The following GXYLT2 variants were observed in gnomAD, a reference collection of about 807,000 sequenced individuals.
GXYLT2 encodes glycosyltransferase 8 domain containing 4.
GXYLT2 carries 53 observed loss-of-function variants against 45.8 expected under a neutral mutation model. The observed-to-expected ratio is 1.16, with a 90% CI of 0.93 to 1.46. The LOEUF is 1.46. Among genes scored for constraint, GXYLT2 ranks in the 40% most tolerant of loss-of-function variants. The probability of loss-of-function intolerance (pLI) is 0.00; values close to 1 mark genes in which losing one functional copy is unlikely to be tolerated. For missense variants in GXYLT2, 551 were observed against 544.4 expected, an observed-to-expected ratio of 1.01 and a Z score of -0.12; for synonymous variants, 219 against 214.2, an observed-to-expected ratio of 1.02 and a Z score of -0.19.
chr3:72,943,199 AC>A (rs1303243325), intron 3 of GXYLT2, among the ~76,000 whole-genome samples: 14 of 152,206 alleles, frequency 9.2e-5, no homozygotes, highest in Non-Finnish European at 1.5e-4. Context: ...GAGGACAGGG[AC>A]CTCATATAAT....
At chr3:72,966,634 C>A (rs1310969437) in intron 5 of GXYLT2, among the ~76,000 whole-genome samples, 1 of 101,868 alleles carries the variant, frequency 9.8e-6, no homozygotes, top group Non-Finnish European at 2.5e-5. Flanking sequence ...TTGGTTTGTT[C>A]GTTTTTTTTT....
At chr3:72,923,316 G>T (rs1472428988) in intron 3 of GXYLT2, among the ~76,000 whole-genome samples, 1 of 152,146 alleles carries the variant, frequency 6.6e-6, no homozygotes, top group Non-Finnish European at 1.5e-5. Flanking sequence ...TTGGGAGGCT[G>T]AGGTGGGAGG....
At chr3:72,892,661 G>A (rs1324458402) in intron 1 of GXYLT2, among the ~76,000 whole-genome samples, 3 of 152,160 alleles carry the variant, frequency 2.0e-5, no homozygotes, top group Non-Finnish European at 4.4e-5. Context: ...TAGTGTCTGA[G>A]ATAAGTCTTC....
At chr3:72,954,313 G>A (rs1340947975) in intron 3 of GXYLT2, among the ~76,000 whole-genome samples, 1 of 151,106 alleles carries the variant, frequency 6.6e-6, no homozygotes, top group Admixed American at 6.6e-5. Flanking sequence ...TCAACATGTT[G>A]GCCAGGATGG....
intron 3 of GXYLT2, among the ~76,000 whole-genome samples, chr3:72,948,191 C>A (rs1710447678): frequency 6.6e-6 from 1 of 152,162 alleles, no homozygotes; most frequent in African/African-American, 2.4e-5. Flanking sequence ...GGATGTAAAG[C>A]TCCATGGAGC....
chr3:72,911,702 A>C (rs1218358151), intron 2 of GXYLT2, among the ~76,000 whole-genome samples: 1 of 152,170 alleles, frequency 6.6e-6, no homozygotes, highest in Admixed American at 6.5e-5. Context: ...GCCCTGAAAC[A>C]GAACAACCCA....
At chr3:72,951,858 G>A (rs1559746824) in intron 3 of GXYLT2, among the ~76,000 whole-genome samples, 1 of 151,520 alleles carries the variant, frequency 6.6e-6, no homozygotes, top group Non-Finnish European at 1.5e-5. Flanking sequence ...TTGTTTTTGA[G>A]ACAGAGTCTT....
chr3:72,938,441 T>G (rs1710231611), intron 3 of GXYLT2, among the ~76,000 whole-genome samples: 1 of 152,248 alleles, frequency 6.6e-6, no homozygotes, highest in Non-Finnish European at 1.5e-5. Flanking sequence ...AAAGCTTCTT[T>G]GAAAATCAGT....
intron 1 of GXYLT2, among the ~76,000 whole-genome samples, chr3:72,893,996 T>G (rs1179894605): frequency 6.6e-6 from 1 of 152,166 alleles, no homozygotes; most frequent in Non-Finnish European, 1.5e-5. Flanking sequence ...CAGCTATTGG[T>G]CCACAGGTAT....
At chr3:72,942,735 A>G (rs1023313671) in intron 3 of GXYLT2, among the ~76,000 whole-genome samples, 4 of 151,946 alleles carry the variant, frequency 2.6e-5, no homozygotes, top group Non-Finnish European at 4.4e-5. Context: ...CAGTGTTTTC[A>G]AAGCTGTCCA....
chr3:72,918,642 T>C (rs1709778418), intron 2 of GXYLT2, among the ~76,000 whole-genome samples: 1 of 151,952 alleles, frequency 6.6e-6, no homozygotes, highest in African/African-American at 2.4e-5. Flanking sequence ...CTGGGAAACA[T>C]GGCGAAACCC....
chr3:72,955,763 A>G (rs1710629531), intron 4 of GXYLT2, among the ~76,000 whole-genome samples: 1 of 152,194 alleles, frequency 6.6e-6, no homozygotes, highest in Admixed American at 6.5e-5. Flanking sequence ...AAAGAACATC[A>G]GTAGAGAACT....
chr3:72,950,366 C>T (rs756707875), intron 3 of GXYLT2, among the ~76,000 whole-genome samples: 1 of 152,070 alleles, frequency 6.6e-6, no homozygotes, highest in African/African-American at 2.4e-5. Flanking sequence ...GACGTTGAGG[C>T]AGGAGAATCG....
At chr3:72,916,436 C>A (rs1709745056) in intron 2 of GXYLT2, among the ~76,000 whole-genome samples, 1 of 151,466 alleles carries the variant, frequency 6.6e-6, no homozygotes, top group African/African-American at 2.4e-5. Flanking sequence ...GATCCTCCAA[C>A]CTTGACCTCT....
At chr3:72,901,095 C>G (rs1258633431) in intron 1 of GXYLT2, among the ~76,000 whole-genome samples, 1 of 152,006 alleles carries the variant, frequency 6.6e-6, no homozygotes, top group Non-Finnish European at 1.5e-5. Flanking sequence ...TCAAGACCAG[C>G]CTGATCAATA....
In GXYLT2 at chr3:72,963,496, C is replaced by T. The variant is rs551799939; in HGVS notation, c.977-4051C>T. The stretch of plus-strand genomic sequence containing the variant: ...CGAGGCAGGCAGATCACCTGAGGTC[C>T]GGAGTTTTTTGTTTTTTTTTTTTTG... On this transcript the variant is annotated intron_variant, in intron 5 of 6. Transcript: ENST00000389617. 1.4e-4 allele frequency among the ~76,000 whole-genome samples: 19 copies of T among 132,194 alleles called. No homozygotes were observed. The South Asian group carries it at 4.4e-3, about 31-fold the overall frequency. The allele number at this position is 132,194 out of a possible 152,430, so 86.7% of individuals were successfully genotyped here.
intron 3 of GXYLT2, among the ~76,000 whole-genome samples, chr3:72,944,950 A>T (rs929698750): frequency 6.6e-6 from 1 of 152,102 alleles, no homozygotes; most frequent in Admixed American, 6.6e-5. Flanking sequence ...GTGATTGGCA[A>T]TGCAGTGGTT....
intron 1 of GXYLT2, among the ~76,000 whole-genome samples, chr3:72,896,747 G>T (rs1021667455): frequency 6.6e-6 from 1 of 152,068 alleles, no homozygotes; most frequent in East Asian, 1.9e-4. Flanking sequence ...TACTCTGGAG[G>T]CTGAGGCAAG....
intron 3 of GXYLT2, among the ~76,000 whole-genome samples, chr3:72,932,977 C>T (rs773205870): frequency 1.3e-5 from 2 of 152,194 alleles, no homozygotes; most frequent in Non-Finnish European, 2.9e-5. Flanking sequence ...TCCTTGCCTC[C>T]ATTTACTCAT....
Sources: allele counts gnomAD v4.1 joint callset (sites outside exome capture counted in the v4.1 genomes callset), GRCh38; gene constraint gnomAD v4.1.1; transcripts MANE v1.5; gene names NCBI Gene and HGNC (gene_info 2026-07-23, HGNC 2026-07-21).